Variants in ADAMTSL1 observed in about 807,000 individuals in gnomAD.
ADAMTSL1 encodes the protein ADAMTS like 1, also known as ADAMTS-like protein 1.
ADAMTSL1 carries 126 observed loss-of-function variants against 201.8 expected under a neutral mutation model. That is an observed-to-expected ratio of 0.62 (90% CI 0.54 to 0.72). ADAMTSL1 has a LOEUF of 0.72. ADAMTSL1 is among the 30% of genes least tolerant of loss of function. ADAMTSL1 has a pLI of 0.00. For missense variants in ADAMTSL1, 2,679 were observed against 2,277.8 expected (o/e 1.18, Z -3.59); for synonymous variants, 1,121 against 903.4 (o/e 1.24, Z -4.32).
intron 1 of ADAMTSL1, among the ~76,000 whole-genome samples, chr9:18,080,457 A>T (rs985430171): frequency 6.6e-6 from 1 of 152,202 alleles, no homozygotes; most frequent in Admixed American, 6.5e-5. Context: ...CTTAGAACGG[A>T]TGCACAATAT....
At chr9:18,730,820 T>A (rs918863332) in intron 15 of ADAMTSL1, among the ~76,000 whole-genome samples, 4 of 152,158 alleles carry the variant, frequency 2.6e-5, no homozygotes, top group African/African-American at 7.2e-5. Flanking sequence ...GAAAGTGGTG[T>A]CTTCTCTGTA....
chr9:17,967,558 T>A (rs559793090), intron 1 of ADAMTSL1, among the ~76,000 whole-genome samples: 3 of 152,202 alleles, frequency 2.0e-5, no homozygotes, highest in South Asian at 2.1e-4. Context: ...ACCAACCATA[T>A]AGATGACAAA....
chr9:18,148,386 G>A (rs755332990), intron 1 of ADAMTSL1, among the ~76,000 whole-genome samples: 4 of 150,650 alleles, frequency 2.7e-5, no homozygotes, highest in Non-Finnish European at 4.4e-5. Context: ...GAATTTATTT[G>A]GTAACTATAA....
At chr9:18,337,611 C>T (rs902456142) in intron 2 of ADAMTSL1, among the ~76,000 whole-genome samples, 5 of 152,100 alleles carry the variant, frequency 3.3e-5, no homozygotes, top group Admixed American at 3.3e-4. Flanking sequence ...GTGGCAAAAT[C>T]GGGAGTTAGA....
chr9:17,965,276 A>G (rs1047067169), intron 1 of ADAMTSL1, among the ~76,000 whole-genome samples: 6 of 152,280 alleles, frequency 3.9e-5, no homozygotes, highest in Admixed American at 3.9e-4. Context: ...TAAAAGCAAA[A>G]CAACTTATTT....
At chr9:18,219,514 A>G (rs1033332953) in intron 2 of ADAMTSL1, among the ~76,000 whole-genome samples, 1 of 151,988 alleles carries the variant, frequency 6.6e-6, no homozygotes, top group South Asian at 2.1e-4. Context: ...GATTACAAGG[A>G]TGCACCACCG....
At chr9:18,046,538 C>G (rs1372535951) in intron 1 of ADAMTSL1, among the ~76,000 whole-genome samples, 1 of 152,120 alleles carries the variant, frequency 6.6e-6, no homozygotes, top group Non-Finnish European at 1.5e-5. Context: ...AGGGAGTAGT[C>G]TTTCATTTGG....
chr9:18,465,553 G>A (rs1820970542), intron 2 of ADAMTSL1, among the ~76,000 whole-genome samples: 1 of 152,106 alleles, frequency 6.6e-6, no homozygotes, highest in African/African-American at 2.4e-5. Flanking sequence ...CTCTCTTTAT[G>A]GGCGTTTCTT....
At chr9:18,753,583 T>C (rs536910054) in intron 16 of ADAMTSL1, 75 bp downstream of exon 16, 32 of 1,509,226 alleles carry the variant, frequency 2.1e-5, no homozygotes, top group Admixed American at 5.8e-5. Context: ...TCTCTCAGAG[T>C]GGTTTTGTCC....
chr9:18,054,167 TATGTATGTGC>T (rs1324406017), intron 1 of ADAMTSL1, among the ~76,000 whole-genome samples: 2 of 152,238 alleles, frequency 1.3e-5, no homozygotes, highest in African/African-American at 4.8e-5. Flanking sequence ...TATGTGTGTG[TATGTATGTGC>T]ATACATTTGT....
chr9:18,005,374 G>A (rs1276790592), intron 1 of ADAMTSL1, among the ~76,000 whole-genome samples: 1 of 152,026 alleles, frequency 6.6e-6, no homozygotes, highest in Non-Finnish European at 1.5e-5. Context: ...CACCTACTGT[G>A]ATCTTTAAAT....
chr9:18,208,579 A>G (rs1829747441), intron 2 of ADAMTSL1, among the ~76,000 whole-genome samples: 1 of 152,124 alleles, frequency 6.6e-6, no homozygotes, highest in Non-Finnish European at 1.5e-5. Flanking sequence ...CTTCATAAAT[A>G]TTTTAGTCCT....
chr9:18,354,054 T>C (rs1179132532), intron 2 of ADAMTSL1, among the ~76,000 whole-genome samples: 1 of 148,046 alleles, frequency 6.8e-6, no homozygotes, highest in African/African-American at 2.5e-5. Context: ...TATACATATA[T>C]ATATATATAT....
intron 1 of ADAMTSL1, among the ~76,000 whole-genome samples, chr9:18,068,191 C>G (rs573967171): frequency 2.6e-5 from 4 of 152,142 alleles, no homozygotes; most frequent in Non-Finnish European, 5.9e-5. Context: ...ATTAAGATAG[C>G]AGCTCTTCCC....
intron 1 of ADAMTSL1, among the ~76,000 whole-genome samples, chr9:17,918,693 G>A (rs1454311117): frequency 6.6e-6 from 1 of 151,466 alleles, no homozygotes; most frequent in South Asian, 2.1e-4. Flanking sequence ...AGGTCAAATT[G>A]GTTGATACCA....
intron 2 of ADAMTSL1, among the ~76,000 whole-genome samples, chr9:18,464,779 A>G (rs1820937434): frequency 6.6e-6 from 1 of 152,210 alleles, no homozygotes; most frequent in South Asian, 2.1e-4. Context: ...TTTAGCGTAA[A>G]ATTGCAGTGC....
chr9:18,662,065 T>A lies in ADAMTSL1; in HGVS notation c.1077T>A (p.Cys359Ter). 6.2e-7 allele frequency: 1 copy of A among 1,612,838 alleles called. No homozygotes were observed. Among genetic ancestry groups the A allele is most frequent in the African/African-American group, 1.3e-5 (1 of 74,946 alleles). Residue 359 changes from cysteine to a stop codon, truncating the protein, a stop_gained, in exon 9 of 29, where the codon TGT becomes TGA. Coordinates refer to ENST00000380548, the MANE Select transcript of ADAMTSL1 (RefSeq NM_001040272.6). LOFTEE classifies it high-confidence loss of function. ...TTCAGGAGTGCAACTTGGATCCTTG[T>A]CCAGCCAGGTCAGTCAAATTTGCTA... The part of the protein sequence containing the change: ...PKLQECNLDP[C>*]PASDGYKQIM...
rs184273631 is a variant in ADAMTSL1, at chr9:18,550,217, A to C, written c.237+16925A>C. Among the ~76,000 whole-genome samples the C allele has an allele frequency of 4.6e-5, 7 of 152,078 alleles. 1 individual carries two copies. In the East Asian group the frequency reaches 1.4e-3, roughly 29 times the overall value. On this transcript the variant is annotated intron_variant, in intron 3 of 28. Transcript: ENST00000380548. ...ATGTCCTGATCCCTGAAACTTGTGA[A>C]TATATGTTACATGGCAAAAAGTATG...
At chr9:18,718,316 G>A (rs559282977) in intron 14 of ADAMTSL1, 15 of 744,148 alleles carry the variant, frequency 2.0e-5, no homozygotes, top group South Asian at 1.9e-4. Context: ...CATTTCTCAT[G>A]TACAAATCCC....
Sources: gnomAD v4.1 joint callset for allele counts (sites outside exome capture counted in the v4.1 genomes callset) on GRCh38, gnomAD v4.1.1 for gene constraint, MANE v1.5 for transcripts, NCBI Gene and HGNC (gene_info 2026-07-23, HGNC 2026-07-21) for gene names.